EZR: variants seen among roughly 807,000 people sequenced by gnomAD.
EZR encodes cytovillin 2.
A neutral mutation model predicts 74.8 loss-of-function variants in EZR; 40 were observed. That is an observed-to-expected ratio of 0.53 (90% CI 0.42 to 0.70). EZR has a LOEUF of 0.70. EZR is among the 30% of genes least tolerant of loss of function. The probability of loss-of-function intolerance (pLI) is 0.00; values close to 1 mark genes in which losing one functional copy is unlikely to be tolerated. For synonymous variants in EZR, 341 were observed against 283.3 expected, an observed-to-expected ratio of 1.20 and a Z score of -2.05; for missense variants, 678 against 755.8, an observed-to-expected ratio of 0.90 and a Z score of 1.21.
chr6:158,802,811 T>G (rs1392915717), intron 2 of EZR, among the ~76,000 whole-genome samples: 2 of 152,204 alleles, frequency 1.3e-5, no homozygotes, highest in Non-Finnish European at 2.9e-5. Context: ...ATTACAGGTG[T>G]GAGCCACCGC....
chr6:158,782,105 G>A (rs1791448451), intron 7 of EZR, among the ~76,000 whole-genome samples: 1 of 152,118 alleles, frequency 6.6e-6, no homozygotes. Flanking sequence ...CTTGGAGTAG[G>A]AGCGAACCGA....
chr6:158,785,257 T>C, intron 5 of EZR, 52 bp downstream of exon 5: 1 of 1,597,494 alleles, frequency 6.3e-7, no homozygotes, highest in Non-Finnish European at 8.6e-7. Context: ...CACTTCTCCC[T>C]GCCGAGGACG....
Position 158,785,591 on chromosome 6 carries a change from A to C in EZR, c.193-8T>G. 6.2e-7 allele frequency: 1 copy of C among 1,612,698 alleles called. No homozygotes were observed. Among genetic ancestry groups the C allele is most frequent in the East Asian group, 2.2e-5 (1 of 44,846 alleles). On this transcript the variant is annotated splice_region_variant and splice_polypyrimidine_tract_variant and intron_variant, in intron 4 of 13. Coordinates refer to ENST00000367075, the MANE Select transcript of EZR (RefSeq NM_001111077.2). Reference sequence around the variant, plus strand: ...GACCTCCTGGGCAGACACCTGCACGAAACAAGCCACACTCTCCACACAAAT... The same window carrying C: ...GACCTCCTGGGCAGACACCTGCACGCAACAAGCCACACTCTCCACACAAAT...
intron 12 of EZR, 49 bp downstream of exon 12, chr6:158,769,277 G>A (rs1791018383): frequency 6.5e-7 from 1 of 1,540,142 alleles, no homozygotes; most frequent in Non-Finnish European, 8.9e-7. Flanking sequence ...GCAGGCAATT[G>A]GGCAACAGGT....
At chr6:158,804,320 G>T (rs898378201) in intron 2 of EZR, among the ~76,000 whole-genome samples, 1 of 152,132 alleles carries the variant, frequency 6.6e-6, no homozygotes, top group Non-Finnish European at 1.5e-5. Flanking sequence ...TTCAGCAAAA[G>T]AAACTATTCT....
At chr6:158,776,319 G>A (rs949474942) in intron 8 of EZR, 89 bp downstream of exon 8, 6 of 1,074,090 alleles carry the variant, frequency 5.6e-6, no homozygotes, top group East Asian at 2.4e-5. Context: ...ACTATCACTG[G>A]CTACTCGTCA....
chr6:158,785,657 A>C, intron 4 of EZR, 74 bp from the exon 5 acceptor site: 1 of 1,565,534 alleles, frequency 6.4e-7, no homozygotes, highest in Non-Finnish European at 8.7e-7. Context: ...CAGGCTTCTA[A>C]CCAAGACTCA....
intron 2 of EZR, among the ~76,000 whole-genome samples, chr6:158,797,121 A>G (rs987424418): frequency 3.9e-5 from 6 of 152,290 alleles, no homozygotes; most frequent in Middle Eastern, 3.4e-3. Flanking sequence ...TTTTAAACTT[A>G]TAGGTTACCT....
At chr6:158,793,696 G>C (rs1000600713) in intron 2 of EZR, among the ~76,000 whole-genome samples, 1 of 152,098 alleles carries the variant, frequency 6.6e-6, no homozygotes, top group Non-Finnish European at 1.5e-5. Context: ...CCAGTCACTG[G>C]AACATCTAAA....
intron 8 of EZR, among the ~76,000 whole-genome samples, chr6:158,773,919 G>A (rs965438098): frequency 6.6e-6 from 1 of 152,202 alleles, no homozygotes; most frequent in African/African-American, 2.4e-5. Context: ...CGTGTCAGCT[G>A]TATACAAGGT....
chr6:158,793,037 G>A (rs1028846699), intron 2 of EZR, among the ~76,000 whole-genome samples: 1 of 151,566 alleles, frequency 6.6e-6, no homozygotes, highest in East Asian at 2.0e-4. Flanking sequence ...AAAGATCAGG[G>A]AGGCCAGGCC....
intron 2 of EZR, among the ~76,000 whole-genome samples, chr6:158,815,294 A>G (rs1390926944): frequency 6.6e-6 from 1 of 152,206 alleles, no homozygotes; most frequent in African/African-American, 2.4e-5. Flanking sequence ...TGTCATATTC[A>G]AATATGTGCA....
chr6:158,799,869 T>C (rs1777154398), intron 2 of EZR, among the ~76,000 whole-genome samples: 1 of 152,226 alleles, frequency 6.6e-6, no homozygotes. Context: ...ATGGCTAACA[T>C]TGAAAATATA....
rs142940365 is a variant in EZR, at chr6:158,766,149, T to C, written c.*765A>G. On this transcript the variant is annotated 3_prime_UTR_variant, in exon 14 of 14. Coordinates refer to ENST00000367075, the MANE Select transcript of EZR (RefSeq NM_001111077.2). ...AGAGGGTTTTTCATATGTAATTCTT[T>C]TATTCTGTAAAAGGTAACAAAATAT... The C allele has an allele frequency of 3.5e-4, 54 of 152,774 alleles. No homozygotes were observed. The highest frequency in any genetic ancestry group is 1.2e-3 in the African/African-American group (51 of 41,576). The allele number at this position is 152,774 out of a possible 1,614,324, so 9.5% of individuals were successfully genotyped here.
intron 2 of EZR, among the ~76,000 whole-genome samples, chr6:158,807,315 A>AC (rs1777362412): frequency 9.7e-5 from 1 of 10,350 alleles, no homozygotes; most frequent in Non-Finnish European, 3.0e-4. Context: ...ACTCCGTCTC[A>AC]AAAAAAAAAA....
chr6:158,819,222 G>C (rs1029142835), intron 1 of EZR, 95 bp downstream of exon 1: 1 of 152,884 alleles, frequency 6.5e-6, no homozygotes, highest in African/African-American at 2.4e-5. Context: ...GCTGCCCGCC[G>C]CACCTGCCGC....
At chr6:158,772,453 C>T (rs898210303) in intron 8 of EZR, among the ~76,000 whole-genome samples, 1 of 152,252 alleles carries the variant, frequency 6.6e-6, no homozygotes, top group African/African-American at 2.4e-5. Flanking sequence ...TTATCGGTGA[C>T]GTTCAGGAGG....
intron 2 of EZR, among the ~76,000 whole-genome samples, chr6:158,813,554 GA>G (rs34991334): frequency 0.11 from 17,330 of 152,266 alleles, 1,010 homozygotes; most frequent in Middle Eastern, 0.15. Flanking sequence ...CGTGGAGGAG[GA>G]GGGGTGGAAA....
At chr6:158,807,176 G>A (rs1777358228) in intron 2 of EZR, among the ~76,000 whole-genome samples, 2 of 152,104 alleles carry the variant, frequency 1.3e-5, no homozygotes, top group East Asian at 1.9e-4. Flanking sequence ...TTAGCCGAGT[G>A]TGATGGCTGG....
Sources: gnomAD v4.1 joint callset for allele counts (sites outside exome capture counted in the v4.1 genomes callset) on GRCh38, gnomAD v4.1.1 for gene constraint, MANE v1.5 for transcripts, NCBI Gene and HGNC (gene_info 2026-07-23, HGNC 2026-07-21) for gene names.